Variants in AGMO observed in about 807,000 individuals in gnomAD.
AGMO encodes the protein glyceryl-ether monooxygenase.
Under a neutral mutation model 60.2 loss-of-function variants are expected in AGMO, and 75 were observed. That is an observed-to-expected ratio of 1.25 (90% CI 1.03 to 1.51). The LOEUF (loss-of-function observed/expected upper bound fraction) is 1.51. AGMO is among the 40% of genes most tolerant of loss of function. The pLI is 0.00. For missense variants in AGMO, 763 were observed against 525.5 expected, an observed-to-expected ratio of 1.45 and a Z score of -4.42; for synonymous variants, 261 against 177.1, an observed-to-expected ratio of 1.47 and a Z score of -3.76.
At chr7:15,456,404 C>G (rs944658502) in intron 3 of AGMO, among the ~76,000 whole-genome samples, 1 of 152,082 alleles carries the variant, frequency 6.6e-6, no homozygotes, top group African/African-American at 2.4e-5. Flanking sequence ...CTCTACACAT[C>G]AGGAAGAAGT....
intron 3 of AGMO, among the ~76,000 whole-genome samples, chr7:15,452,945 T>C (rs1366340397): frequency 1.3e-5 from 2 of 152,354 alleles, no homozygotes; most frequent in South Asian, 2.1e-4. Flanking sequence ...GGAAATGTTA[T>C]AGTAAGTGAA....
intron 10 of AGMO, among the ~76,000 whole-genome samples, chr7:15,380,340 A>G (rs1025898195): frequency 6.6e-6 from 1 of 152,188 alleles, no homozygotes; most frequent in Non-Finnish European, 1.5e-5. Flanking sequence ...ATATGCAAAA[A>G]TCACTGGCAT....
At chr7:15,375,890 C>G (rs1049115319) in intron 10 of AGMO, among the ~76,000 whole-genome samples, 2 of 151,984 alleles carry the variant, frequency 1.3e-5, no homozygotes, top group Non-Finnish European at 2.9e-5. Flanking sequence ...CTGCCTGATC[C>G]TCACCAAATT....
intron 12 of AGMO, among the ~76,000 whole-genome samples, chr7:15,341,964 C>T (rs535700265): frequency 6.6e-6 from 1 of 151,658 alleles, no homozygotes; most frequent in African/African-American, 2.4e-5. Flanking sequence ...TCCCATGGCA[C>T]GTAGGGATAA....
intron 12 of AGMO, among the ~76,000 whole-genome samples, chr7:15,253,829 C>G (rs1583331641): frequency 6.6e-6 from 1 of 152,182 alleles, no homozygotes; most frequent in African/African-American, 2.4e-5. Context: ...TAGTCATTGA[C>G]AAGCCTCTTC....
intron 3 of AGMO, among the ~76,000 whole-genome samples, chr7:15,451,360 T>G (rs1373129251): frequency 1.3e-5 from 2 of 152,210 alleles, no homozygotes; most frequent in Non-Finnish European, 2.9e-5. Context: ...GGTAATTACA[T>G]ACAGTAGTTA....
intron 5 of AGMO, among the ~76,000 whole-genome samples, chr7:15,394,524 A>C (rs977659411): frequency 6.6e-6 from 1 of 152,188 alleles, no homozygotes; most frequent in Non-Finnish European, 1.5e-5. Flanking sequence ...AAATAGTAAC[A>C]TATCTACATA....
At chr7:15,243,642 T>A (rs978740277) in intron 12 of AGMO, among the ~76,000 whole-genome samples, 2 of 152,146 alleles carry the variant, frequency 1.3e-5, no homozygotes, top group African/African-American at 4.8e-5. Flanking sequence ...ATTTTAAATA[T>A]TTTAAGTAGT....
chr7:15,385,618 A>C, intron 9 of AGMO, 56 bp from the exon 10 acceptor site: 1 of 947,856 alleles, frequency 1.1e-6, no homozygotes, highest in African/African-American at 1.7e-5. Flanking sequence ...TTTCTTACTG[A>C]AATTCACACT....
At chr7:15,370,367 TG>T (rs1783159582) in intron 10 of AGMO, among the ~76,000 whole-genome samples, 2 of 152,162 alleles carry the variant, frequency 1.3e-5, no homozygotes, top group Non-Finnish European at 2.9e-5. Context: ...TGAACATGAG[TG>T]CATGTGTCTT....
chr7:15,369,845 C>T (rs1169042207), intron 10 of AGMO, among the ~76,000 whole-genome samples: 3 of 152,084 alleles, frequency 2.0e-5, no homozygotes, highest in Admixed American at 2.0e-4. Context: ...AGTATTAATA[C>T]ATTAAATGTT....
At chr7:15,450,281 A>G (rs918387255) in intron 3 of AGMO, among the ~76,000 whole-genome samples, 5 of 151,800 alleles carry the variant, frequency 3.3e-5, no homozygotes, top group African/African-American at 9.7e-5. Flanking sequence ...TTAGCCAGGC[A>G]TGGTGGCGGG....
chr7:15,394,041 T>G, intron 6 of AGMO, 72 bp downstream of exon 6: 44 of 1,122,786 alleles, frequency 3.9e-5, no homozygotes, highest in Non-Finnish European at 5.2e-5. Flanking sequence ...TGTGATTAAA[T>G]GAGATTAAGG....
At chr7:15,204,836 C>G (rs1781399972) in intron 12 of AGMO, among the ~76,000 whole-genome samples, 1 of 152,064 alleles carries the variant, frequency 6.6e-6, no homozygotes, top group Non-Finnish European at 1.5e-5. Context: ...TCTGCTGCTC[C>G]TCTCAGTTAT....
At chr7:15,243,963 AC>A (rs1341569571) in intron 12 of AGMO, among the ~76,000 whole-genome samples, 4 of 152,082 alleles carry the variant, frequency 2.6e-5, no homozygotes, top group African/African-American at 7.2e-5. Context: ...GTATTTCCAT[AC>A]TTTAGGTCAT....
At chr7:15,358,102 T>C (rs921512244) in intron 12 of AGMO, 2 of 170,558 alleles carry the variant, frequency 1.2e-5, no homozygotes, top group African/African-American at 2.4e-5. Flanking sequence ...CATCTGAATA[T>C]GCATCCCTTG....
At chr7:15,274,970 T>G (rs567250413) in intron 12 of AGMO, among the ~76,000 whole-genome samples, 1 of 151,768 alleles carries the variant, frequency 6.6e-6, no homozygotes, top group Non-Finnish European at 1.5e-5. Context: ...GCCTATCGAT[T>G]TTTTTTTATC....
intron 4 of AGMO, among the ~76,000 whole-genome samples, chr7:15,426,423 T>C (rs1171420765): frequency 6.6e-6 from 1 of 152,120 alleles, no homozygotes; most frequent in Non-Finnish European, 1.5e-5. Flanking sequence ...GCAAGGGTTT[T>C]ATGGAACCAA....
rs79906732 is a variant in AGMO, at chr7:15,301,665, T to C, written c.1263+63849A>G. ...ACAGTGTTGAAGGTCCACGATACTT[T>C]TAGAGGATAATAGAAATGTTTTAAT... On this transcript the variant is annotated intron_variant, in intron 12 of 12. Transcript: ENST00000342526. Among the ~76,000 whole-genome samples the C allele has an allele frequency of 4.3e-3, 654 of 152,240 alleles. 4 individuals are homozygous for C. Among genetic ancestry groups the C allele is most frequent in the African/African-American group, 0.015 (629 of 41,540 alleles).
Sources: allele counts gnomAD v4.1 joint callset (sites outside exome capture counted in the v4.1 genomes callset), GRCh38; gene constraint gnomAD v4.1.1; transcripts MANE v1.5; gene names NCBI Gene and HGNC (gene_info 2026-07-23, HGNC 2026-07-21).